The following CELF2 variants were observed in gnomAD, a reference collection of about 807,000 sequenced individuals.
CELF2 encodes the protein CUGBP Elav-like family member 2, also known as CUG triplet repeat RNA-binding protein 2.
Under a neutral mutation model 62.6 loss-of-function variants are expected in CELF2, and 8 were observed. That is an observed-to-expected ratio of 0.13 (90% CI 0.07 to 0.23). The LOEUF is 0.23. Among genes scored for constraint, CELF2 ranks in the 10% least tolerant of loss-of-function variants. The pLI is 1.00. For synonymous variants in CELF2, 258 were observed against 250.0 expected (o/e 1.03, Z -0.30); for missense variants, 333 against 671.0 (o/e 0.50, Z 5.56).
intron 1 of CELF2, among the ~76,000 whole-genome samples, chr10:10,842,910 A>G (rs2058772928): frequency 6.6e-6 from 1 of 152,070 alleles, no homozygotes; most frequent in African/African-American, 2.4e-5. Flanking sequence ...CAGCGGAACC[A>G]TCTCAGCCTG....
In CELF2 at chr10:11,330,688, ATTT is replaced by A. The variant is rs1277206285; in HGVS notation, c.*1636_*1638del. The A allele has an allele frequency of 6.6e-6, 1 of 152,618 alleles. No individual in the cohort carries two copies. The highest frequency in any genetic ancestry group is 2.4e-5 in the African/African-American group (1 of 41,446). 9.5% of individuals were successfully genotyped at this position (152,618 alleles called of 1,614,324 possible). On this transcript the variant is annotated 3_prime_UTR_variant, in exon 13 of 13. Transcript: ENST00000633077. The surrounding 1 kb of genome is among the most constrained non-coding windows in gnomAD (Gnocchi z 4.5). The stretch of plus-strand genomic sequence containing the variant: ...ATTGCTGCATTCATGCAAGACTGAA[ATTT>A]ATTATTAGACAAATTCATTATAGAA...
chr10:10,536,417 C>T, the CELF2 span, among the ~76,000 whole-genome samples: 1 of 152,218 alleles, frequency 6.6e-6, no homozygotes, highest in Non-Finnish European at 1.5e-5. Context: ...ATAAATACCC[C>T]TAATGCTTTT....
chr10:10,585,892 G>C, the CELF2 span, among the ~76,000 whole-genome samples: 43,053 of 151,940 alleles, frequency 0.28, 6,291 homozygotes, highest in East Asian at 0.5. Flanking sequence ...ATTGTAGAGA[G>C]AATATTAACA....
chr10:11,315,826 CT>C lies in CELF2; in HGVS notation c.1096+1569del, dbSNP rs2140660792. Among the ~76,000 whole-genome samples, 1 of 152,354 alleles carries C rather than the reference CT, an allele frequency of 6.6e-6. No individual in the cohort carries two copies. Among genetic ancestry groups the C allele is most frequent in the Admixed American group, 6.5e-5 (1 of 15,304 alleles). On this transcript the variant is annotated intron_variant, in intron 10 of 12. Transcript: ENST00000633077. The surrounding 1 kb of genome is among the most constrained non-coding windows in gnomAD (Gnocchi z 5.8). ...TCCTCGCTCTGACCTTGTCCTTCAC[CT>C]AGGTCGAGGACGCGTGTGCTCGCAC...
chr10:10,485,522 C>A, the CELF2 span, among the ~76,000 whole-genome samples: 1 of 152,172 alleles, frequency 6.6e-6, no homozygotes, highest in African/African-American at 2.4e-5. Context: ...CAAAGCAGTC[C>A]AATGGATAAT....
chr10:11,273,968 A>ACCCCCCCCCCCCCCCCCCCCC (rs10612614), intron 7 of CELF2, among the ~76,000 whole-genome samples: 1 of 96,462 alleles, frequency 1.0e-5, no homozygotes, highest in African/African-American at 4.3e-5. Flanking sequence ...AGTGATCCCC[A>ACCCCCCCCCCCCCCCCCCCCC]CCCCCCCCCC....
At position 11,005,868 on chromosome 10, in the gene CELF2, C is replaced by A. The variant is rs75575394; in HGVS notation, c.53+428C>A. ...CATATTAGACTTGCGTTCCAAATAC[C>A]GCTCTAATCTGGACTTAGCCTACCT... On this transcript the variant is annotated intron_variant, in intron 1 of 12. Coordinates refer to the CELF2 transcript ENST00000416382. The surrounding 1 kb of genome is among the most constrained non-coding windows in gnomAD (Gnocchi z 4.3). 1.3e-5 allele frequency among the ~76,000 whole-genome samples: 2 copies of A among 152,108 alleles called. No individual in the cohort carries two copies. Among genetic ancestry groups the A allele is most frequent in the African/African-American group, 4.8e-5 (2 of 41,416 alleles).
At chr10:11,134,870 A>G (rs138385367) in intron 1 of CELF2, among the ~76,000 whole-genome samples, 3 of 152,294 alleles carry the variant, frequency 2.0e-5, no homozygotes, top group South Asian at 2.1e-4. Context: ...GCACGTGTCT[A>G]TCTTTCTGAT....
At chr10:11,017,705 G>A (rs1341875041), upstream of CELF2, among the ~76,000 whole-genome samples, 1 of 152,078 alleles carries the variant, frequency 6.6e-6, no homozygotes, top group African/African-American at 2.4e-5. This position sits in a 1 kb window ranked among gnomAD's most constrained non-coding sequence, Gnocchi z 5.5. Context: ...CGGGGAGCGG[G>A]TTTGCCTTCG....
At chr10:11,104,613 C>T (rs2773484) in intron 1 of CELF2, among the ~76,000 whole-genome samples, 72,909 of 152,066 alleles carry the variant, frequency 0.48, 21,172 homozygotes, top group East Asian at 0.83. Flanking sequence ...GCCCAGGAGG[C>T]CGATACTGCC....
the CELF2 span, among the ~76,000 whole-genome samples, chr10:10,643,187 A>T: frequency 2.2e-3 from 336 of 152,270 alleles, 2 homozygotes; most frequent in African/African-American, 3.5e-3. Flanking sequence ...TCCATCAATG[A>T]TGTAGTTCTT....
rs1009270529 is a variant in CELF2, at chr10:10,956,289, A to G, written c.89+36290A>G. Among the ~76,000 whole-genome samples the G allele has an allele frequency of 3.3e-5, 5 of 152,350 alleles. No individual in the cohort carries two copies. The East Asian group carries it at 9.6e-4, about 29-fold the overall frequency. On this transcript the variant is annotated intron_variant, in intron 2 of 13. Coordinates refer to the CELF2 transcript ENST00000636488. ...GGTATCTCTGCTCTATTTCTTCAAG[A>G]GAGTGCCATAATCAAAATGTTAGGG... is the stretch of plus-strand genomic sequence containing the variant.
chr10:11,139,442 G>A (rs1050494693), intron 1 of CELF2, among the ~76,000 whole-genome samples: 2 of 152,144 alleles, frequency 1.3e-5, no homozygotes, highest in African/African-American at 2.4e-5. Context: ...ATTGACTTTC[G>A]AGGAATATTT....
At chr10:10,524,007 T>C in the CELF2 span, among the ~76,000 whole-genome samples, 1 of 152,228 alleles carries the variant, frequency 6.6e-6, no homozygotes, top group Non-Finnish European at 1.5e-5. Flanking sequence ...TATGTGTTAA[T>C]GATTTAGGCA....
the CELF2 span, among the ~76,000 whole-genome samples, chr10:10,571,288 C>T: frequency 3.3e-5 from 5 of 152,250 alleles, no homozygotes; most frequent in East Asian, 5.8e-4. Context: ...TAGTAAAGAA[C>T]GTACTTCAGT....
rs540456225 is a variant in CELF2, at chr10:11,201,250, G to T, written c.272-16175G>T. On this transcript the variant is annotated intron_variant, in intron 2 of 12. Transcript: ENST00000633077. ...CTTGTGTGTGTTTTTTAATCTGTAG[G>T]TATTAGGATAGGTTTAACTGTCAGT... 2.6e-5 allele frequency among the ~76,000 whole-genome samples: 4 copies of T among 152,150 alleles called. No homozygotes were observed. In the South Asian group the frequency reaches 8.3e-4, roughly 32 times the overall value.
At chr10:10,468,171 T>C in the CELF2 span, among the ~76,000 whole-genome samples, 1 of 152,014 alleles carries the variant, frequency 6.6e-6, no homozygotes, top group Non-Finnish European at 1.5e-5. Context: ...AGGAGCATTG[T>C]TTTGGTGAAG....
At chr10:10,844,637 C>T (rs2058898135) in intron 1 of CELF2, among the ~76,000 whole-genome samples, 1 of 152,066 alleles carries the variant, frequency 6.6e-6, no homozygotes, top group South Asian at 2.1e-4. Flanking sequence ...ATGCCTTATG[C>T]TAATACTAAA....
At chr10:10,820,107 C>T (rs935880537) in intron 1 of CELF2, among the ~76,000 whole-genome samples, 4 of 152,130 alleles carry the variant, frequency 2.6e-5, no homozygotes, top group Admixed American at 1.3e-4. Flanking sequence ...TTTGCTTCTT[C>T]CTCATTTTTC....
Sources: allele counts gnomAD v4.1 joint callset (sites outside exome capture counted in the v4.1 genomes callset), GRCh38; gene constraint gnomAD v4.1.1; non-coding constraint Gnocchi (gnomAD v3.1); transcripts MANE v1.5; gene names NCBI Gene and HGNC (gene_info 2026-07-23, HGNC 2026-07-21).